LHFPL3: variants seen among roughly 807,000 people sequenced by gnomAD.
The protein encoded by LHFPL3 is LHFPL tetraspan subfamily member 3 protein.
In LHFPL3, 5 loss-of-function variants were observed where a neutral mutation model predicts 19.3. The observed-to-expected ratio is 0.26, with a 90% confidence interval of 0.14 to 0.54. The LOEUF (loss-of-function observed/expected upper bound fraction) is 0.54. LHFPL3 is among the 20% of genes least tolerant of loss of function. The pLI is 0.94. For missense variants in LHFPL3, 249 were observed against 307.4 expected, an observed-to-expected ratio of 0.81 and a Z score of 1.42; for synonymous variants, 133 against 126.2, an observed-to-expected ratio of 1.05 and a Z score of -0.36.
intron 1 of LHFPL3, among the ~76,000 whole-genome samples, chr7:104,453,402 C>T (rs561613102): frequency 1.3e-5 from 2 of 152,150 alleles, no homozygotes; most frequent in Admixed American, 1.3e-4. Context: ...AAGTTAGACT[C>T]AGCCTTCTAC....
At chr7:104,902,432 AGGAGGAGGG>A (rs1011501318) in intron 2 of LHFPL3, among the ~76,000 whole-genome samples, 2 of 150,852 alleles carry the variant, frequency 1.3e-5, no homozygotes, top group African/African-American at 4.9e-5. Context: ...AAGGAGGAGG[AGGAGGAGGG>A]GGAGGAGGGA....
At chr7:104,620,952 A>G (rs78826494) in intron 1 of LHFPL3, among the ~76,000 whole-genome samples, 13,575 of 152,218 alleles carry the variant, frequency 0.089, 804 homozygotes, top group Middle Eastern at 0.15. Flanking sequence ...TCAACCCCTG[A>G]CAGCATAAAT....
At chr7:104,676,914 T>C (rs1464540805) in intron 1 of LHFPL3, among the ~76,000 whole-genome samples, 2 of 152,284 alleles carry the variant, frequency 1.3e-5, no homozygotes, top group Admixed American at 6.5e-5. Context: ...AAACAGTCAT[T>C]GGTGAGGGCA....
chr7:104,414,059 C>T (rs1791578111), intron 1 of LHFPL3, among the ~76,000 whole-genome samples: 1 of 151,392 alleles, frequency 6.6e-6, no homozygotes, highest in African/African-American at 2.4e-5. Context: ...CCCTTTATCC[C>T]TTGTAAATGT....
intron 1 of LHFPL3, among the ~76,000 whole-genome samples, chr7:104,587,863 A>G (rs1387302847): frequency 1.3e-5 from 2 of 152,142 alleles, no homozygotes; most frequent in African/African-American, 4.8e-5. Context: ...CATTTCTCTG[A>G]TGGCCAGTGA....
chr7:104,588,118 T>C (rs1295783990), intron 1 of LHFPL3, among the ~76,000 whole-genome samples: 2 of 152,250 alleles, frequency 1.3e-5, no homozygotes, highest in Non-Finnish European at 2.9e-5. Flanking sequence ...CTCTTTAGTT[T>C]AATTAGATCC....
chr7:104,502,306 A>T (rs1217851490), intron 1 of LHFPL3, among the ~76,000 whole-genome samples: 1 of 152,214 alleles, frequency 6.6e-6, no homozygotes, highest in Non-Finnish European at 1.5e-5. Context: ...TTGGAAATAA[A>T]TTCCTCTTTT....
intron 2 of LHFPL3, among the ~76,000 whole-genome samples, chr7:104,780,203 G>A (rs1794695909): frequency 1.3e-5 from 2 of 152,192 alleles, no homozygotes; most frequent in African/African-American, 2.4e-5. Flanking sequence ...CCACTTGTGA[G>A]TGAGGTCTAG....
intron 1 of LHFPL3, among the ~76,000 whole-genome samples, chr7:104,670,861 G>GTTTTTT (rs765180265): frequency 3.4e-5 from 5 of 146,490 alleles, no homozygotes; most frequent in Non-Finnish European, 3.0e-5. Flanking sequence ...AATGTGTTTT[G>GTTTTTT]TTTTGTTTTT....
chr7:104,444,669 T>G (rs1477659271), intron 1 of LHFPL3, among the ~76,000 whole-genome samples: 2 of 152,146 alleles, frequency 1.3e-5, no homozygotes, highest in Non-Finnish European at 2.9e-5. Flanking sequence ...AGAAGCTGAT[T>G]TGGGATTACT....
At chr7:104,653,293 TG>T (rs1792063492) in intron 1 of LHFPL3, among the ~76,000 whole-genome samples, 1 of 152,110 alleles carries the variant, frequency 6.6e-6, no homozygotes, top group East Asian at 1.9e-4. Context: ...GGCAGGGTCA[TG>T]GAAATATAAA....
At chr7:104,532,067 C>T (rs748125968) in intron 1 of LHFPL3, among the ~76,000 whole-genome samples, 2 of 152,122 alleles carry the variant, frequency 1.3e-5, no homozygotes, top group Admixed American at 6.6e-5. Flanking sequence ...AAGGACTACA[C>T]ACTTCTTTTC....
At chr7:104,394,855 C>T (rs10252728) in intron 1 of LHFPL3, among the ~76,000 whole-genome samples, 58,542 of 151,690 alleles carry the variant, frequency 0.39, 11,737 homozygotes, top group Admixed American at 0.5. Context: ...CACCCACCAC[C>T]GCGTCAGGAT....
intron 2 of LHFPL3, among the ~76,000 whole-genome samples, chr7:104,873,825 G>A (rs768305112): frequency 2.6e-5 from 4 of 152,158 alleles, no homozygotes; most frequent in Non-Finnish European, 4.4e-5. Flanking sequence ...CTCAGAGTGC[G>A]AGGCAAGGCT....
At chr7:104,490,681 A>C (rs1793325583) in intron 1 of LHFPL3, among the ~76,000 whole-genome samples, 1 of 152,192 alleles carries the variant, frequency 6.6e-6, no homozygotes, top group African/African-American at 2.4e-5. Context: ...CATATGTTTA[A>C]GACATAATAA....
intron 2 of LHFPL3, among the ~76,000 whole-genome samples, chr7:104,742,995 C>T (rs903979268): frequency 6.6e-6 from 1 of 152,040 alleles, no homozygotes; most frequent in African/African-American, 2.4e-5. Context: ...GTGGTGGGCA[C>T]CTGTAGTTCC....
chr7:104,735,389 T>G (rs986958746), intron 1 of LHFPL3, among the ~76,000 whole-genome samples: 8 of 152,242 alleles, frequency 5.3e-5, no homozygotes, highest in African/African-American at 1.9e-4. Flanking sequence ...CCAGCCGCTT[T>G]GTTTACCTAC....
intron 1 of LHFPL3, among the ~76,000 whole-genome samples, chr7:104,689,874 C>T (rs1792876665): frequency 2.6e-5 from 4 of 152,142 alleles, no homozygotes; most frequent in Admixed American, 1.3e-4. Flanking sequence ...ATGATTTCCC[C>T]AGGGCCAGAA....
At chr7:104,798,799 C>T (rs1393580605) in intron 2 of LHFPL3, among the ~76,000 whole-genome samples, 3 of 152,096 alleles carry the variant, frequency 2.0e-5, no homozygotes, top group African/African-American at 7.2e-5. Flanking sequence ...ATATATTCAT[C>T]TACATCTTCT....
Sources: allele counts gnomAD v4.1 joint callset (sites outside exome capture counted in the v4.1 genomes callset), GRCh38; gene constraint gnomAD v4.1.1; transcripts MANE v1.5; gene names NCBI Gene and HGNC (gene_info 2026-07-23, HGNC 2026-07-21).